The following ZNF780B variants were observed in gnomAD, a reference collection of about 807,000 sequenced individuals.
ZNF780B encodes zinc finger protein 780B, also known as zinc finger protein 779.
ZNF780B carries 52 observed loss-of-function variants against 74.1 expected under a neutral mutation model. The ratio of observed to expected loss-of-function variants is 0.70; its 90% confidence interval spans 0.56 to 0.88. The LOEUF is 0.88. ZNF780B is among the 40% of genes least tolerant of loss of function. ZNF780B has a pLI of 0.00. For missense variants in ZNF780B, 953 were observed against 1,007.6 expected (o/e 0.95, Z 0.73); for synonymous variants, 315 against 324.3 (o/e 0.97, Z 0.31).
rs563997296 is a variant in ZNF780B at position 40,031,887 on chromosome 19, C to T, written c.*2470G>A. ...CTACAAACTAAATCTTTACAATGGA[C>T]TTACGGCGGTTACCAGCTTACCCAA... is the stretch of plus-strand genomic sequence containing the variant. On this transcript the variant is annotated 3_prime_UTR_variant, in exon 5 of 5. Coordinates refer to ENST00000434248, the MANE Select transcript of ZNF780B (RefSeq NM_001005851.3). The T allele has an allele frequency of 3.2e-6, 1 of 317,242 alleles. No individual in the cohort carries two copies. The highest frequency in any genetic ancestry group is 2.8e-5 in the South Asian group (1 of 35,998). 19.7% of individuals were successfully genotyped at this position (317,242 alleles called of 1,614,324 possible).
At chr19:40,043,816 T>A (rs1972791661) in intron 4 of ZNF780B, among the ~76,000 whole-genome samples, 1 of 152,222 alleles carries the variant, frequency 6.6e-6, no homozygotes, top group Non-Finnish European at 1.5e-5. Context: ...ACCCCTTTCT[T>A]TGACTAGGAA....
rs1417474799 is a variant in ZNF780B at position 40,035,465 on chromosome 19, T to C, written c.1394A>G (p.Gln465Arg). The part of the protein sequence containing the change: ...RYHYQLIQHC[Q>R]IHTGGKPFEC... ...AAAGGGTTTCCCACCAGTATGAATTTGGCAATGTTGAATAAGTTGGTAATG... is the reference window on the plus strand; with the variant it reads ...AAAGGGTTTCCCACCAGTATGAATTCGGCAATGTTGAATAAGTTGGTAATG... The change falls in exon 5 of 5, where the codon CAA (glutamine) becomes CGA (arginine). Residue 465 changes from glutamine (Q) to arginine (R), a missense_variant. Coordinates refer to ENST00000434248, the MANE Select transcript of ZNF780B (RefSeq NM_001005851.3). 4.3e-6 allele frequency: 7 copies of C among 1,613,978 alleles called. No homozygotes were observed. The African/African-American group carries it at 6.7e-5, about 15-fold the overall frequency.
intron 3 of ZNF780B, among the ~76,000 whole-genome samples, chr19:40,048,360 A>G (rs370634012): frequency 2.0e-5 from 3 of 152,220 alleles, no homozygotes; most frequent in African/African-American, 7.2e-5. Flanking sequence ...ATCAAACATA[A>G]TATGAAACCT....
At chr19:40,043,095 T>G (rs1026574161) in intron 4 of ZNF780B, among the ~76,000 whole-genome samples, 3 of 152,206 alleles carry the variant, frequency 2.0e-5, no homozygotes, top group Non-Finnish European at 4.4e-5. Flanking sequence ...GGATGTCCTT[T>G]CTGTTTGTTA....
In ZNF780B at chr19:40,029,321, T is replaced by G. The variant is rs771407254; in HGVS notation, c.*5036A>C. ...TCAAGATAACATCCATGACTGAATA[T>G]TCTAAAACAAGTTTCTTTACAACGC... is the stretch of plus-strand genomic sequence containing the variant. On this transcript the variant is annotated 3_prime_UTR_variant, in exon 5 of 5. Transcript: ENST00000434248. 1 of 153,808 alleles carries G rather than the reference T, an allele frequency of 6.5e-6. No individual in the cohort carries two copies. The highest frequency in any genetic ancestry group is 2.4e-5 in the African/African-American group (1 of 41,498). 9.5% of individuals were successfully genotyped at this position (153,808 alleles called of 1,614,324 possible).
rs1971963997 is a variant in ZNF780B at position 40,030,186 on chromosome 19, C to G, written c.*4171G>C. The G allele has an allele frequency of 6.6e-6, 1 of 152,476 alleles. No individual in the cohort carries two copies. The highest frequency in any genetic ancestry group is 1.9e-4 in the East Asian group (1 of 5,220). The allele number at this position is 152,476 out of a possible 1,614,324, so 9.4% of individuals were successfully genotyped here. ...TTGGCTCAGTGTTCTGTAGGATTTACAAGAATCATGGTGCAACATCTGCTT... is the reference window on the plus strand; with the variant it reads ...TTGGCTCAGTGTTCTGTAGGATTTAGAAGAATCATGGTGCAACATCTGCTT... On this transcript the variant is annotated 3_prime_UTR_variant, in exon 5 of 5. Coordinates refer to ENST00000434248, the MANE Select transcript of ZNF780B (RefSeq NM_001005851.3).
intron 4 of ZNF780B, among the ~76,000 whole-genome samples, chr19:40,045,526 A>G (rs779466179): frequency 6.6e-6 from 1 of 152,242 alleles, no homozygotes; most frequent in Non-Finnish European, 1.5e-5. Flanking sequence ...CACTTGTATG[A>G]TTACTGTAGC....
Position 40,044,377 on chromosome 19 carries a change from C to G in ZNF780B, c.232+2998G>C, listed in dbSNP as rs918274342. The stretch of plus-strand genomic sequence containing the variant: ...CAAAGACAAAAGAGAATACTAAAAA[C>G]AGCAAGAGAAAAGCATCTAGTCACT... On this transcript the variant is annotated intron_variant, in intron 4 of 4. Transcript: ENST00000434248. Among the ~76,000 whole-genome samples, 4 of 152,104 alleles carry G rather than the reference C, an allele frequency of 2.6e-5. No homozygotes were observed. The East Asian group carries it at 7.7e-4, about 29-fold the overall frequency.
chr19:40,031,922 C>T lies in ZNF780B; in HGVS notation c.*2435G>A, dbSNP rs550448338. On this transcript the variant is annotated 3_prime_UTR_variant, in exon 5 of 5. Coordinates refer to ENST00000434248, the MANE Select transcript of ZNF780B (RefSeq NM_001005851.3). ...TTACCAGCTTACCCAAATGATCATC[C>T]TTAGTTTCACTAATGCAAGGACCTG... 2.0e-5 allele frequency: 7 copies of T among 356,350 alleles called. No individual in the cohort carries two copies. Among genetic ancestry groups the T allele is most frequent in the South Asian group, 4.5e-5 (2 of 44,860 alleles). 22.1% of individuals were successfully genotyped at this position (356,350 alleles called of 1,614,324 possible). A position where few individuals can be genotyped will look rare whatever the true frequency, so the allele number is the denominator to read the frequency against.
rs546970685 is a variant in ZNF780B at position 40,040,824 on chromosome 19, A to G, written c.233-4198T>C. Among the ~76,000 whole-genome samples, 1,188 of 152,066 alleles carry G rather than the reference A, an allele frequency of 7.8e-3. 6 individuals are homozygous for G. Among genetic ancestry groups the G allele is most frequent in the Non-Finnish European group, 0.012 (791 of 67,994 alleles). On this transcript the variant is annotated intron_variant, in intron 4 of 4. Transcript: ENST00000434248. ...CTTTTCTTCTTTATTAGTCTTGCTA[A>G]TGGTCTTTCAATTTTGTTGATCTTT... is the stretch of plus-strand genomic sequence containing the variant.
chr19:40,040,494 C>T (rs924471550), intron 4 of ZNF780B, among the ~76,000 whole-genome samples: 2 of 152,176 alleles, frequency 1.3e-5, no homozygotes, highest in African/African-American at 4.8e-5. Flanking sequence ...GGTACCAGCT[C>T]CTCCTTTTAC....
intron 3 of ZNF780B, among the ~76,000 whole-genome samples, chr19:40,047,713 C>T (rs1278482098): frequency 6.6e-6 from 1 of 151,856 alleles, no homozygotes; most frequent in Non-Finnish European, 1.5e-5. Context: ...CAGCAGGAAA[C>T]TTCAAGCCAG....
Position 40,034,463 on chromosome 19 carries a change from T to C in ZNF780B, c.2396A>G (p.His799Arg). ...AFRLHLQLSL[H>R]QKLVQVRNPL... ...GTTTCTCACCTGTACAAGTTTTTGA[T>C]GCAGAGAAAGTTGTAGGTGAAGTCT... is the stretch of plus-strand genomic sequence containing the variant. The change falls in exon 5 of 5, where the codon CAT becomes CGT. Residue 799 changes from histidine (H) to arginine (R), a missense_variant. Physicochemically the swap from His to Arg is conservative, Grantham distance 29. Coordinates refer to ENST00000434248, the MANE Select transcript of ZNF780B (RefSeq NM_001005851.3). The C allele has an allele frequency of 1.2e-6, 2 of 1,613,960 alleles. No homozygotes were observed. The highest frequency in any genetic ancestry group is 1.7e-6 in the Non-Finnish European group (2 of 1,179,956).
Position 40,035,391 on chromosome 19 carries a change from G to C in ZNF780B, c.1468C>G (p.Arg490Gly). 6.2e-7 allele frequency: 1 copy of C among 1,614,082 alleles called. No homozygotes were observed. The highest frequency in any genetic ancestry group is 8.5e-7 in the Non-Finnish European group (1 of 1,180,008). ...TCACCAGTATGAATGTTCTTATGTCGAGCAAGCTGTGTCAGAAGACTAAAG... is the reference window on the plus strand; with the variant it reads ...TCACCAGTATGAATGTTCTTATGTCCAGCAAGCTGTGTCAGAAGACTAAAG... ...KAFSLLTQLA[R>G]HKNIHTGEKP... Residue 490 changes from arginine (R) to glycine (G), a missense_variant, in exon 5 of 5, where the codon CGA becomes GGA. Coordinates refer to ENST00000434248, the MANE Select transcript of ZNF780B (RefSeq NM_001005851.3).
rs1971974195 is a variant in ZNF780B at position 40,030,733 on chromosome 19, A to T, written c.*3624T>A. The T allele has an allele frequency of 6.6e-6, 1 of 152,200 alleles. No homozygotes were observed. Among genetic ancestry groups the T allele is most frequent in the African/African-American group, 2.4e-5 (1 of 41,440 alleles). 9.4% of individuals were successfully genotyped at this position (152,200 alleles called of 1,614,324 possible). On this transcript the variant is annotated 3_prime_UTR_variant, in exon 5 of 5. Coordinates refer to ENST00000434248, the MANE Select transcript of ZNF780B (RefSeq NM_001005851.3). ...ATTGCATGATGATAGAGTTTCACCGAAAGGCTGCCAGGGATCTTTCTGACA... is the reference window on the plus strand; with the variant it reads ...ATTGCATGATGATAGAGTTTCACCGTAAGGCTGCCAGGGATCTTTCTGACA...
rs1316122454 is a variant in ZNF780B, at chr19:40,035,255, C to T, written c.1604G>A (p.Gly535Glu). The T allele has an allele frequency of 1.2e-6, 2 of 1,614,070 alleles. No homozygotes were observed. The highest frequency in any genetic ancestry group is 2.2e-5 in the South Asian group (2 of 91,076). The change falls in exon 5 of 5, where the codon GGG (glycine) becomes GAG (glutamate). Residue 535 changes from glycine to glutamate, a missense_variant. Coordinates refer to ENST00000434248, the MANE Select transcript of ZNF780B (RefSeq NM_001005851.3). The part of the protein sequence containing the change: ...GEKPYECKEC[G>E]KAFRLHLQLS... Reference sequence around the variant, plus strand: ...TTGTAGGTGAAGTCTAAAAGCCTTCCCACACTCCTTACATTCATAGGGCTT... The same window carrying T: ...TTGTAGGTGAAGTCTAAAAGCCTTCTCACACTCCTTACATTCATAGGGCTT...
At chr19:40,037,619 A>G (rs965075557) in intron 4 of ZNF780B, among the ~76,000 whole-genome samples, 3 of 152,142 alleles carry the variant, frequency 2.0e-5, no homozygotes, top group Non-Finnish European at 4.4e-5. Context: ...TCTGATTCAG[A>G]TCAAAGTTTA....
chr19:40,048,660 A>G lies in ZNF780B; in HGVS notation c.136+10T>C. Reference sequence around the variant, plus strand: ...ACAGATACAAAAATAACTGGGACCAATGACCTTACCCAGTGATATCAGGTG... The same window carrying G: ...ACAGATACAAAAATAACTGGGACCAGTGACCTTACCCAGTGATATCAGGTG... On this transcript the variant is annotated intron_variant, in intron 3 of 4. Transcript: ENST00000434248. The G allele has an allele frequency of 6.2e-7, 1 of 1,614,186 alleles. No individual in the cohort carries two copies. The highest frequency in any genetic ancestry group is 8.5e-7 in the Non-Finnish European group (1 of 1,180,028).
chr19:40,040,506 T>C (rs934564789), intron 4 of ZNF780B, among the ~76,000 whole-genome samples: 3 of 152,234 alleles, frequency 2.0e-5, no homozygotes, highest in African/African-American at 7.2e-5. Flanking sequence ...TCCTTTTACC[T>C]CTGGTAGAAT....
Sources: gnomAD v4.1 joint callset for allele counts (sites outside exome capture counted in the v4.1 genomes callset) on GRCh38, gnomAD v4.1.1 for gene constraint, MANE v1.5 for transcripts, NCBI Gene and HGNC (gene_info 2026-07-23, HGNC 2026-07-21) for gene names.